The following IL1RAPL1 variants were observed in gnomAD, a reference collection of about 807,000 sequenced individuals.
IL1RAPL1 encodes interleukin-1 receptor accessory protein-like 1.
A neutral mutation model predicts 48.4 loss-of-function variants in IL1RAPL1; 3 were observed. The observed-to-expected ratio is 0.06, with a 90% confidence interval of 0.03 to 0.16. The LOEUF (loss-of-function observed/expected upper bound fraction) is 0.16, where lower values mean the gene tolerates loss of function less well. IL1RAPL1 is among the 10% of genes least tolerant of loss of function. The probability of loss-of-function intolerance (pLI) is 1.00; values close to 1 mark genes in which losing one functional copy is unlikely to be tolerated. For synonymous variants in IL1RAPL1, 185 were observed against 187.7 expected (o/e 0.99, Z 0.12); for missense variants, 349 against 530.6 (o/e 0.66, Z 3.36).
chrX:28,953,577 A>T (rs1045027300), intron 2 of IL1RAPL1, among the ~76,000 whole-genome samples: 2 of 111,500 alleles, frequency 1.8e-5, no homozygotes, highest in Admixed American at 9.6e-5. Flanking sequence ...AATAATACGT[A>T]GAGGAGGGAA....
intron 5 of IL1RAPL1, among the ~76,000 whole-genome samples, chrX:29,444,170 C>A: frequency 9.2e-6 from 1 of 109,274 alleles, no homozygotes; most frequent in Non-Finnish European, 1.9e-5. Flanking sequence ...GGTGAAACTC[C>A]ATCTCTACTA....
chrX:29,104,426 A>G (rs1928407106), intron 2 of IL1RAPL1, among the ~76,000 whole-genome samples: 1 of 111,458 alleles, frequency 9.0e-6, no homozygotes, highest in South Asian at 3.8e-4. Flanking sequence ...AATTAAAACA[A>G]TTGAACTCAG....
chrX:29,831,170 A>T lies in IL1RAPL1; in HGVS notation c.779-86294A>T, dbSNP rs186878337. On this transcript the variant is annotated intron_variant, in intron 6 of 10. Transcript: ENST00000378993. ...ACCGTTTACCAATTGTGTTTATTAC[A>T]TGCTTCTGCTAAGGTATTGTGTGAG... 1.1e-4 allele frequency among the ~76,000 whole-genome samples: 12 copies of T among 111,903 alleles called. No homozygotes were observed. In the East Asian group the frequency reaches 3.4e-3, roughly 32 times the overall value.
intron 2 of IL1RAPL1, among the ~76,000 whole-genome samples, chrX:29,113,001 C>T (rs1016346278): frequency 1.8e-5 from 2 of 109,709 alleles, no homozygotes; most frequent in South Asian, 3.9e-4. Flanking sequence ...TTAGTAGAGA[C>T]GGGGTTTCAC....
chrX:29,422,787 TA>T (rs1469259178), intron 5 of IL1RAPL1, among the ~76,000 whole-genome samples: 3 of 111,377 alleles, frequency 2.7e-5, no homozygotes, highest in African/African-American at 9.8e-5. Flanking sequence ...TCTGTTGCAT[TA>T]AAACAACTAC....
intron 6 of IL1RAPL1, among the ~76,000 whole-genome samples, chrX:29,895,165 T>TTAAG (rs1281052209): frequency 1.8e-5 from 2 of 110,952 alleles, no homozygotes; most frequent in Non-Finnish European, 3.8e-5. Context: ...CTAAAAAATT[T>TTAAG]TAAGTCAGAT....
chrX:29,729,844 G>A (rs918183427), intron 6 of IL1RAPL1, among the ~76,000 whole-genome samples: 7 of 111,385 alleles, frequency 6.3e-5, no homozygotes, highest in African/African-American at 2.3e-4. Flanking sequence ...CTCTAGATCT[G>A]CCCTCTATCC....
chrX:29,273,934 C>G (rs939093576), intron 2 of IL1RAPL1, among the ~76,000 whole-genome samples: 1 of 111,745 alleles, frequency 8.9e-6, no homozygotes, highest in Non-Finnish European at 1.9e-5. Context: ...TATCTTAAAA[C>G]AAAACATCAC....
At chrX:29,880,869 T>A (rs1286838273) in intron 6 of IL1RAPL1, among the ~76,000 whole-genome samples, 2 of 111,635 alleles carry the variant, frequency 1.8e-5, no homozygotes, top group Non-Finnish European at 3.8e-5. Flanking sequence ...TATACTGGAA[T>A]CTACTATTAA....
chrX:28,730,769 A>G (rs1353526137), intron 1 of IL1RAPL1, among the ~76,000 whole-genome samples: 2 of 112,098 alleles, frequency 1.8e-5, no homozygotes, highest in African/African-American at 6.5e-5. Flanking sequence ...GTTTTAACAT[A>G]TATATGGACT....
At chrX:28,750,342 A>T (rs908293473) in intron 1 of IL1RAPL1, among the ~76,000 whole-genome samples, 1 of 111,884 alleles carries the variant, frequency 8.9e-6, no homozygotes, top group African/African-American at 3.2e-5. Flanking sequence ...TAAGGTGAAC[A>T]TATTTTGTGA....
chrX:29,876,416 G>A (rs891953173), intron 6 of IL1RAPL1, among the ~76,000 whole-genome samples: 1 of 111,507 alleles, frequency 9.0e-6, no homozygotes, highest in Non-Finnish European at 1.9e-5. Context: ...CCTTACTTTC[G>A]CTTTAAGGAA....
intron 5 of IL1RAPL1, among the ~76,000 whole-genome samples, chrX:29,605,458 AT>A (rs367980309): frequency 0.082 from 8,900 of 108,578 alleles, 328 homozygotes; most frequent in Middle Eastern, 0.18. Context: ...ATTCACCTAC[AT>A]TTTTTTTTAA....
At chrX:29,540,685 A>G (rs986064232) in intron 5 of IL1RAPL1, among the ~76,000 whole-genome samples, 4 of 111,319 alleles carry the variant, frequency 3.6e-5, no homozygotes, top group Non-Finnish European at 7.5e-5. Context: ...TGGGGAAAGG[A>G]CTCCCTATTC....
intron 6 of IL1RAPL1, among the ~76,000 whole-genome samples, chrX:29,698,240 G>A (rs1264035935): frequency 2.9e-5 from 3 of 104,865 alleles, no homozygotes; most frequent in Non-Finnish European, 3.9e-5. Flanking sequence ...GTGCGGTCTC[G>A]GCTCACTGCA....
At chrX:29,869,869 A>G (rs148449007) in intron 6 of IL1RAPL1, among the ~76,000 whole-genome samples, 2,671 of 110,179 alleles carry the variant, frequency 0.024, 31 homozygotes, top group Non-Finnish European at 0.038. Context: ...CAAGCAGAAG[A>G]GTTGGAGCAT....
intron 2 of IL1RAPL1, among the ~76,000 whole-genome samples, chrX:28,973,704 T>G (rs1453275742): frequency 8.9e-6 from 1 of 112,246 alleles, no homozygotes; most frequent in Admixed American, 9.5e-5. Flanking sequence ...ATTTAATGAT[T>G]CTCTGTAATT....
At chrX:29,130,699 T>G in intron 2 of IL1RAPL1, among the ~76,000 whole-genome samples, 1 of 112,015 alleles carries the variant, frequency 8.9e-6, no homozygotes, top group Non-Finnish European at 1.9e-5. Flanking sequence ...CCATCATAAA[T>G]GGCCCAGATT....
rs896885606 is a variant in IL1RAPL1 at position 29,273,412 on chromosome X, A to G, written c.83-9526A>G. On this transcript the variant is annotated intron_variant, in intron 2 of 10. Transcript: ENST00000378993. ...ATTTTAGGGGGCCACGGCTCAACAC[A>G]GCACTCCTGGACTGTGTGTTCTAAC... is the stretch of plus-strand genomic sequence containing the variant. Among the ~76,000 whole-genome samples, 4 of 111,508 alleles carry G rather than the reference A, an allele frequency of 3.6e-5. No homozygotes were observed. The Admixed American group carries it at 3.8e-4, about 11-fold the overall frequency.
Sources: allele counts gnomAD v4.1 joint callset (sites outside exome capture counted in the v4.1 genomes callset), GRCh38; gene constraint gnomAD v4.1.1; transcripts MANE v1.5; gene names NCBI Gene and HGNC (gene_info 2026-07-23, HGNC 2026-07-21).